The following B4GALT6 variants were observed in gnomAD, a reference collection of about 807,000 sequenced individuals.
B4GALT6 encodes the protein beta-1,4-galactosyltransferase 6, also known as UDP-Gal:beta-GlcNAc beta-1,4-galactosyltransferase 6.
B4GALT6 carries 14 observed loss-of-function variants against 46.3 expected under a neutral mutation model. The observed-to-expected ratio is 0.30, with a 90% CI of 0.20 to 0.47. The LOEUF (loss-of-function observed/expected upper bound fraction) is 0.47. Among genes scored for constraint, B4GALT6 ranks in the 20% least tolerant of loss-of-function variants. The pLI is 0.99. For synonymous variants in B4GALT6, 168 were observed against 162.0 expected, an observed-to-expected ratio of 1.04 and a Z score of -0.28; for missense variants, 386 against 480.1, an observed-to-expected ratio of 0.80 and a Z score of 1.83.
chr18:31,666,743 T>C (rs1168433489), intron 1 of B4GALT6, among the ~76,000 whole-genome samples: 1 of 152,222 alleles, frequency 6.6e-6, no homozygotes, highest in Admixed American at 6.5e-5. Flanking sequence ...TCAGTTTCTC[T>C]AATTATATAT....
intron 2 of B4GALT6, among the ~76,000 whole-genome samples, chr18:31,663,116 A>G (rs758849767): frequency 2.6e-5 from 4 of 152,180 alleles, no homozygotes; most frequent in Admixed American, 6.5e-5. Flanking sequence ...AAGAATGAAA[A>G]CTGCCAGATG....
the B4GALT6 span, among the ~76,000 whole-genome samples, chr18:31,716,416 G>A: frequency 6.6e-6 from 1 of 152,350 alleles, no homozygotes; most frequent in Admixed American, 6.5e-5. Context: ...GTTAAACTAT[G>A]TAATGAGATA....
intron 6 of B4GALT6, among the ~76,000 whole-genome samples, chr18:31,628,283 G>T (rs1360626290): frequency 6.6e-6 from 1 of 152,188 alleles, no homozygotes; most frequent in Admixed American, 6.5e-5. Context: ...AAGACTAGCT[G>T]GGGGTTCCAC....
intron 1 of B4GALT6, among the ~76,000 whole-genome samples, chr18:31,682,420 A>G (rs531821017): frequency 1.3e-5 from 2 of 152,224 alleles, no homozygotes; most frequent in Non-Finnish European, 2.9e-5. Flanking sequence ...ATTATCATTT[A>G]TAAGACCTAC....
At chr18:31,641,835 A>G (rs973683879) in intron 4 of B4GALT6, among the ~76,000 whole-genome samples, 2 of 152,150 alleles carry the variant, frequency 1.3e-5, no homozygotes, top group African/African-American at 2.4e-5. Context: ...TCCTATATAC[A>G]CCATGAGGAG....
chr18:31,706,535 G>A, the B4GALT6 span, among the ~76,000 whole-genome samples: 2 of 152,144 alleles, frequency 1.3e-5, no homozygotes, highest in Non-Finnish European at 2.9e-5. Context: ...GGTGGCTGAG[G>A]CAGGAGAATC....
the B4GALT6 span, among the ~76,000 whole-genome samples, chr18:31,709,621 A>ATGTG: frequency 7.0e-6 from 1 of 143,780 alleles, no homozygotes; most frequent in African/African-American, 2.6e-5. Context: ...ATATCCTTCT[A>ATGTG]TGTAATCCTG....
intron 1 of B4GALT6, among the ~76,000 whole-genome samples, chr18:31,677,457 C>T (rs1302606107): frequency 6.6e-6 from 1 of 152,140 alleles, no homozygotes; most frequent in Non-Finnish European, 1.5e-5. Flanking sequence ...GAATTGAGTG[C>T]CACCTGAAAG....
intron 1 of B4GALT6, among the ~76,000 whole-genome samples, chr18:31,679,630 T>C (rs2074457001): frequency 6.6e-6 from 1 of 152,206 alleles, no homozygotes; most frequent in African/African-American, 2.4e-5. Context: ...TGTTGGAGGA[T>C]AAATAAATAC....
At chr18:31,664,803 T>C (rs1485265508) in intron 2 of B4GALT6, among the ~76,000 whole-genome samples, 1 of 152,246 alleles carries the variant, frequency 6.6e-6, no homozygotes, top group African/African-American at 2.4e-5. Context: ...TTTAAACTTC[T>C]AAAATTGACC....
chr18:31,705,476 C>T, the B4GALT6 span, among the ~76,000 whole-genome samples: 1 of 152,172 alleles, frequency 6.6e-6, no homozygotes, highest in Non-Finnish European at 1.5e-5. Flanking sequence ...GCAACCTCCA[C>T]CTCCTGGGTC....
Position 31,624,291 on chromosome 18 carries a change from A to G in B4GALT6, c.*1323T>C, listed in dbSNP as rs2073657812. ...ATTAAATTATGCTTTTAGATACTACATATAGAAGACATTATAATATCAGCG... is the reference window on the plus strand; with the variant it reads ...ATTAAATTATGCTTTTAGATACTACGTATAGAAGACATTATAATATCAGCG... On this transcript the variant is annotated 3_prime_UTR_variant, in exon 9 of 9. Transcript: ENST00000306851. The G allele has an allele frequency of 6.6e-6, 1 of 152,042 alleles. No homozygotes were observed. The highest frequency in any genetic ancestry group is 1.5e-5 in the Non-Finnish European group (1 of 67,902). The allele number at this position is 152,042 out of a possible 1,614,324, so 9.4% of individuals were successfully genotyped here. A position where few individuals can be genotyped will look rare whatever the true frequency, so the allele number is the denominator to read the frequency against.
chr18:31,714,117 A>G, the B4GALT6 span, among the ~76,000 whole-genome samples: 1 of 152,248 alleles, frequency 6.6e-6, no homozygotes, highest in Non-Finnish European at 1.5e-5. Context: ...ACATGCAACT[A>G]TTTAAATTTA....
chr18:31,723,901 C>T, the B4GALT6 span, among the ~76,000 whole-genome samples: 1 of 152,082 alleles, frequency 6.6e-6, no homozygotes, highest in Non-Finnish European at 1.5e-5. Context: ...TTCTGAATAT[C>T]CCGAGGCAAG....
At chr18:31,676,961 A>G (rs181515493) in intron 1 of B4GALT6, among the ~76,000 whole-genome samples, 11 of 152,134 alleles carry the variant, frequency 7.2e-5, no homozygotes, top group African/African-American at 2.4e-4. Flanking sequence ...AAAACAGTAG[A>G]CCCTTCCTTC....
At chr18:31,685,950 G>C (rs1449997016), upstream of B4GALT6, 1 of 152,068 alleles carries the variant, frequency 6.6e-6, no homozygotes, top group African/African-American at 2.4e-5. Context: ...CATCCTCGCT[G>C]TATTCAGGCG....
At chr18:31,666,228 C>T in intron 2 of B4GALT6, 28 bp downstream of exon 2, 2 of 1,342,680 alleles carry the variant, frequency 1.5e-6, no homozygotes, top group Non-Finnish European at 2.1e-6. Flanking sequence ...TTTGTAACTA[C>T]AAGGGGTTAA....
chr18:31,710,853 A>G, the B4GALT6 span, among the ~76,000 whole-genome samples: 1 of 27,620 alleles, frequency 3.6e-5, no homozygotes, highest in East Asian at 8.0e-4. Flanking sequence ...CACACACTAT[A>G]ATCCTCAAAT....
At chr18:31,715,376 C>T in the B4GALT6 span, among the ~76,000 whole-genome samples, 1 of 151,882 alleles carries the variant, frequency 6.6e-6, no homozygotes, top group Non-Finnish European at 1.5e-5. Context: ...CAGGCATGTA[C>T]CAGCACACCT....
Sources: allele counts gnomAD v4.1 joint callset (sites outside exome capture counted in the v4.1 genomes callset), GRCh38; gene constraint gnomAD v4.1.1; transcripts MANE v1.5; gene names NCBI Gene and HGNC (gene_info 2026-07-23, HGNC 2026-07-21).